NCS1: variants seen among roughly 807,000 people sequenced by gnomAD.
NCS1 encodes the protein neuronal calcium sensor 1, also known as frequenin homolog.
Under a neutral mutation model 28.4 loss-of-function variants are expected in NCS1, and 6 were observed. That is an observed-to-expected ratio of 0.21 (90% confidence interval 0.12 to 0.42). NCS1 has a LOEUF of 0.42. NCS1 is among the 10% of genes least tolerant of loss of function. The probability of loss-of-function intolerance (pLI) is 1.00; values close to 1 mark genes in which losing one functional copy is unlikely to be tolerated. For missense variants in NCS1, 131 were observed against 241.4 expected (o/e 0.54, Z 3.03); for synonymous variants, 86 against 99.3 (o/e 0.87, Z 0.79).
In NCS1 at chr9:130,181,394, C is replaced by T. The variant is rs1832651816; in HGVS notation, c.64+8667C>T. On this transcript the variant is annotated intron_variant, in intron 1 of 7. Coordinates refer to ENST00000372398, the MANE Select transcript of NCS1 (RefSeq NM_014286.4). This position sits in a 1 kb window ranked among gnomAD's most constrained non-coding sequence, Gnocchi z 5.0. Reference sequence around the variant, plus strand: ...AGGATCTGCGAGCTGCAGCACGGGACGGTCAGGGGCTGTCACTGCGGTGAG... The same window carrying T: ...AGGATCTGCGAGCTGCAGCACGGGATGGTCAGGGGCTGTCACTGCGGTGAG... 1.3e-5 allele frequency among the ~76,000 whole-genome samples: 2 copies of T among 152,130 alleles called. No homozygotes were observed. Among genetic ancestry groups the T allele is most frequent in the African/African-American group, 4.8e-5 (2 of 41,422 alleles).
chr9:130,221,413 T>TAGAGAG (rs782666520), intron 4 of NCS1, among the ~76,000 whole-genome samples: 23 of 57,688 alleles, frequency 4.0e-4, no homozygotes, highest in Admixed American at 7.7e-4. Flanking sequence ...TATATATATA[T>TAGAGAG]AGAGAGAGAG....
Position 130,226,357 on chromosome 9 carries a change from C to T in NCS1, c.475-32C>T, listed in dbSNP as rs782494368. The T allele has an allele frequency of 2.5e-6, 4 of 1,587,438 alleles. No homozygotes were observed. The highest frequency in any genetic ancestry group is 3.5e-6 in the Non-Finnish European group (4 of 1,156,608). On this transcript the variant is annotated intron_variant, in intron 6 of 7. Coordinates refer to ENST00000372398, the MANE Select transcript of NCS1 (RefSeq NM_014286.4). This position sits in a 1 kb window ranked among gnomAD's most constrained non-coding sequence, Gnocchi z 4.8. ...GTCTAGAGCCCTCTCCTGGGAGGCC[C>T]TGCACCCTCAGCCGCCTCTCTCTGC...
chr9:130,174,790 C>CAACAAAAAAAAAAAA (rs1832538841), intron 1 of NCS1, among the ~76,000 whole-genome samples: 1 of 91,580 alleles, frequency 1.1e-5, no homozygotes, highest in Non-Finnish European at 1.9e-5. Flanking sequence ...ACTCTGTCTC[C>CAACAAAAAAAAAAAA]AAAAAAAAAA....
At chr9:130,204,982 C>T (rs370424429) in intron 2 of NCS1, among the ~76,000 whole-genome samples, 70 of 152,126 alleles carry the variant, frequency 4.6e-4, no homozygotes, top group African/African-American at 5.5e-4. Flanking sequence ...GGGGAGACAC[C>T]GAGAACTGGA....
At chr9:130,206,411 T>C (rs1833024744) in intron 2 of NCS1, among the ~76,000 whole-genome samples, 1 of 147,274 alleles carries the variant, frequency 6.8e-6, no homozygotes. Flanking sequence ...TTCTTTTTTT[T>C]TTTTTTTTTT....
In NCS1 at chr9:130,200,520, C is replaced by G. The variant is rs543962112; in HGVS notation, c.65-438C>G. 80 of 1,535,992 alleles carry G rather than the reference C, an allele frequency of 5.2e-5. No homozygotes were observed. The African/African-American group carries it at 5.9e-4, about 11-fold the overall frequency. On this transcript the variant is annotated intron_variant, in intron 1 of 7. Transcript: ENST00000372398. Reference sequence around the variant, plus strand: ...CTGCCCCTTTTCAGCCTAGCTCCCCCCACCCCCCCACATAGGTGGGGCAGC... The same window carrying G: ...CTGCCCCTTTTCAGCCTAGCTCCCCGCACCCCCCCACATAGGTGGGGCAGC...
chr9:130,217,706 C>G (rs1833208960), intron 2 of NCS1, 126 bp from the exon 3 acceptor site: 1 of 1,401,186 alleles, frequency 7.1e-7, no homozygotes, highest in African/African-American at 1.4e-5. Context: ...GTCCATGGCC[C>G]CATGGGGCAC....
In NCS1 at chr9:130,172,724, T is replaced by C; in HGVS notation, c.61T>C (p.Tyr21His). The change falls in exon 1 of 8, where the codon TAC becomes CAC. Residue 21 changes from tyrosine (Y) to histidine (H), a missense_variant. This residue lies in a region of NCS1 where 31 missense variants were observed against 31.1 expected (regional missense o/e 1.00). Transcript: ENST00000372398. ...TGTGGAGGAGCTGACCAGGAAGACC[T>C]ACTGTGAGTGCTCCCAGCCCCCAGC... ...EVVEELTRKT[Y>H]FTEKEVQQWY... 6.6e-7 allele frequency: 1 copy of C among 1,505,198 alleles called. No individual in the cohort carries two copies. Among genetic ancestry groups the C allele is most frequent in the Non-Finnish European group, 8.9e-7 (1 of 1,121,144 alleles). 93.2% of individuals were successfully genotyped at this position (1,505,198 alleles called of 1,614,324 possible).
chr9:130,202,437 G>A (rs1227088006), intron 2 of NCS1, among the ~76,000 whole-genome samples: 1 of 149,926 alleles, frequency 6.7e-6, no homozygotes, highest in African/African-American at 2.5e-5. Flanking sequence ...CTGGGCAGCA[G>A]GTAAGCATTT....
At chr9:130,220,602 G>A (rs1554910115) in intron 4 of NCS1, among the ~76,000 whole-genome samples, 1 of 152,068 alleles carries the variant, frequency 6.6e-6, no homozygotes, top group East Asian at 1.9e-4. Flanking sequence ...AGCTGTGCAG[G>A]CCCCTGGCGG....
chr9:130,227,598 G>A (rs1465630244), intron 7 of NCS1, among the ~76,000 whole-genome samples: 2 of 152,180 alleles, frequency 1.3e-5, no homozygotes, highest in African/African-American at 4.8e-5. Context: ...AGCCATTTTT[G>A]TGAGTATGGA....
intron 2 of NCS1, among the ~76,000 whole-genome samples, chr9:130,213,998 C>T (rs1444365385): frequency 6.6e-6 from 1 of 152,258 alleles, no homozygotes; most frequent in Non-Finnish European, 1.5e-5. Flanking sequence ...GGCTCTTGTT[C>T]CCTCTGCCCC....
chr9:130,185,810 C>A (rs1554905584), intron 1 of NCS1, among the ~76,000 whole-genome samples: 1 of 152,284 alleles, frequency 6.6e-6, no homozygotes, highest in Non-Finnish European at 1.5e-5. Flanking sequence ...CCACCACCCC[C>A]TGCGCGCCCA....
chr9:130,223,235 C>T (rs966983418), intron 6 of NCS1, 76 bp downstream of exon 6: 1 of 1,412,300 alleles, frequency 7.1e-7, no homozygotes. Context: ...TCCCTGGATC[C>T]TGGGCCTGGC....
intron 3 of NCS1, among the ~76,000 whole-genome samples, chr9:130,218,614 C>CAG (rs1232343597): frequency 4.7e-5 from 7 of 149,796 alleles, no homozygotes; most frequent in Non-Finnish European, 1.0e-4. Flanking sequence ...TTTTTTGAGA[C>CAG]AGAGTCTTGC....
intron 1 of NCS1, among the ~76,000 whole-genome samples, chr9:130,190,448 G>T (rs1466390692): frequency 6.6e-6 from 1 of 152,104 alleles, no homozygotes; most frequent in African/African-American, 2.4e-5. Flanking sequence ...TTAGTTTTCT[G>T]GTGAGAAAAC....
chr9:130,195,358 A>G (rs1331182265), intron 1 of NCS1, among the ~76,000 whole-genome samples: 1 of 151,904 alleles, frequency 6.6e-6, no homozygotes, highest in Non-Finnish European at 1.5e-5. Context: ...GACAGACCTC[A>G]TGTGAAGGGG....
At chr9:130,228,465 C>T (rs1263819973) in intron 7 of NCS1, among the ~76,000 whole-genome samples, 1 of 151,948 alleles carries the variant, frequency 6.6e-6, no homozygotes, top group African/African-American at 2.4e-5. Flanking sequence ...CTCAAGTGAT[C>T]CTCCTACCTC....
intron 2 of NCS1, among the ~76,000 whole-genome samples, chr9:130,203,504 G>C (rs1320865944): frequency 6.6e-6 from 1 of 152,340 alleles, no homozygotes; most frequent in East Asian, 1.9e-4. Flanking sequence ...GGCCAGGGCA[G>C]GGGAGGGCAG....
Sources: gnomAD v4.1 joint callset for allele counts (sites outside exome capture counted in the v4.1 genomes callset) on GRCh38, gnomAD v4.1.1 for gene constraint, gnomAD v4.1.1 regional missense constraint, Gnocchi (gnomAD v3.1) non-coding constraint, MANE v1.5 for transcripts, NCBI Gene and HGNC (gene_info 2026-07-23, HGNC 2026-07-21) for gene names.